The following ENTPD6 variants were observed in gnomAD, a reference collection of about 807,000 sequenced individuals.
The protein encoded by ENTPD6 is CD39 antigen-like 2.
A neutral mutation model predicts 61.5 loss-of-function variants in ENTPD6; 46 were observed. The observed-to-expected ratio is 0.75, with a 90% CI of 0.59 to 0.96. The LOEUF (loss-of-function observed/expected upper bound fraction) is 0.96. ENTPD6 is among the 40% of genes least tolerant of loss of function. The pLI is 0.00. For synonymous variants in ENTPD6, 252 were observed against 255.5 expected (o/e 0.99, Z 0.13); for missense variants, 612 against 629.0 (o/e 0.97, Z 0.29).
intron 7 of ENTPD6, among the ~76,000 whole-genome samples, 192 bp downstream of exon 7, chr20:25,215,903 A>T (rs979151935): frequency 6.6e-6 from 1 of 151,768 alleles, no homozygotes; most frequent in African/African-American, 2.4e-5. Context: ...TGTAGATGCT[A>T]GGAGTGGGGT....
At chr20:25,209,642 G>C (rs368851561) in intron 3 of ENTPD6, among the ~76,000 whole-genome samples, 1 of 151,800 alleles carries the variant, frequency 6.6e-6, no homozygotes, top group Non-Finnish European at 1.5e-5. Flanking sequence ...AAGAAGTAAT[G>C]TTCTGGCCAA....
At chr20:25,211,447 C>T (rs139983351) in intron 4 of ENTPD6, among the ~76,000 whole-genome samples, 3 of 152,204 alleles carry the variant, frequency 2.0e-5, no homozygotes, top group South Asian at 2.1e-4. Flanking sequence ...CAGGCTGCCT[C>T]GGAGGCCCAC....
chr20:25,217,225 C>A (rs557978709), intron 8 of ENTPD6, among the ~76,000 whole-genome samples: 2 of 152,208 alleles, frequency 1.3e-5, no homozygotes, highest in South Asian at 4.1e-4. Context: ...GGTAGTTTTC[C>A]ATGGAAGGGT....
chr20:25,223,081 C>A (rs896770310), intron 12 of ENTPD6, 103 bp downstream of exon 12: 2 of 1,360,476 alleles, frequency 1.5e-6, no homozygotes, highest in Non-Finnish European at 2.0e-6. Flanking sequence ...AGGCAAGCAA[C>A]CCTGTTGTCA....
chr20:25,211,696 C>T (rs2091970952), intron 4 of ENTPD6, among the ~76,000 whole-genome samples: 1 of 152,228 alleles, frequency 6.6e-6, no homozygotes, highest in Non-Finnish European at 1.5e-5. Context: ...AACCAGTCCT[C>T]TTCTGAAGGA....
At chr20:25,217,437 A>C in intron 8 of ENTPD6, 65 bp from the exon 9 acceptor site, 1 of 1,450,364 alleles carries the variant, frequency 6.9e-7, no homozygotes, top group Non-Finnish European at 9.7e-7. Context: ...AAATGAATTC[A>C]GTGGGTGGAG....
At chr20:25,205,746 C>A (rs373644517) in intron 1 of ENTPD6, among the ~76,000 whole-genome samples, 29 of 152,324 alleles carry the variant, frequency 1.9e-4, no homozygotes, top group African/African-American at 6.5e-4. Flanking sequence ...ACTGGTGAGG[C>A]CTCTCCCCTC....
chr20:25,208,361 G>A (rs561891810), intron 3 of ENTPD6, among the ~76,000 whole-genome samples: 6 of 152,326 alleles, frequency 3.9e-5, no homozygotes, highest in Admixed American at 2.0e-4. Context: ...CAGGAGAATC[G>A]CTTGAACCTG....
intron 1 of ENTPD6, among the ~76,000 whole-genome samples, chr20:25,200,461 C>T (rs2090944643): frequency 6.6e-6 from 1 of 151,314 alleles, no homozygotes; most frequent in African/African-American, 2.4e-5. Context: ...GCTTTTATTG[C>T]CTGTGCTTTT....
At chr20:25,220,165 CG>C (rs145005351) in intron 10 of ENTPD6, among the ~76,000 whole-genome samples, 36 of 152,236 alleles carry the variant, frequency 2.4e-4, no homozygotes, top group African/African-American at 7.9e-4. Flanking sequence ...GTTTTGTTAC[CG>C]GTTATTGCGT....
Position 25,207,251 on chromosome 20 carries a change from C to T in ENTPD6, c.230C>T (p.Ala77Val). ...ATQAFFSITR[A>V]APGARWGQQA... ...CAGGCCTTCTTCAGCATCACCAGGG[C>T]AGCCCCGGGGGCCCGGTGGGGTCAG... Residue 77 changes from alanine to valine, a missense_variant, in exon 3 of 15, where the codon GCA (alanine) becomes GTA (valine). Physicochemically the swap from Ala to Val is moderately conservative, Grantham distance 64 (BLOSUM62 0). Transcript: ENST00000376652. The T allele has an allele frequency of 6.2e-7, 1 of 1,614,054 alleles. No individual in the cohort carries two copies.
At chr20:25,198,273 C>T (rs1381400439) in intron 1 of ENTPD6, among the ~76,000 whole-genome samples, 1 of 152,014 alleles carries the variant, frequency 6.6e-6, no homozygotes, top group Non-Finnish European at 1.5e-5. Flanking sequence ...GTCAGGAGTT[C>T]GAGACCAGCC....
At chr20:25,212,960 C>T (rs1202530033) in intron 4 of ENTPD6, among the ~76,000 whole-genome samples, 1 of 152,216 alleles carries the variant, frequency 6.6e-6, no homozygotes, top group East Asian at 1.9e-4. Context: ...CTGCCTTGGC[C>T]TCCCAAAGTG....
chr20:25,225,527 C>T lies in ENTPD6; in HGVS notation c.1385C>T (p.Thr462Ile). ...KLTRKIDNVETSWALGAIFHY... is the reference protein window; with the variant it reads ...KLTRKIDNVEISWALGAIFHY... ...ACTCGGAAAATTGACAATGTTGAGACCAGCTGGGCTCTGGGGGCCATTTTT... is the reference window on the plus strand; with the variant it reads ...ACTCGGAAAATTGACAATGTTGAGATCAGCTGGGCTCTGGGGGCCATTTTT... Residue 462 changes from threonine (T) to isoleucine (I), a missense_variant, in exon 15 of 15, where the codon ACC (threonine) becomes ATC (isoleucine). Coordinates refer to ENST00000376652, the MANE Select transcript of ENTPD6 (RefSeq NM_001247.5). 1 of 1,614,070 alleles carries T rather than the reference C, an allele frequency of 6.2e-7. No individual in the cohort carries two copies. The highest frequency in any genetic ancestry group is 1.3e-5 in the African/African-American group (1 of 75,046).
chr20:25,222,627 C>A, intron 11 of ENTPD6: 1 of 542,386 alleles, frequency 1.8e-6, no homozygotes, highest in Admixed American at 3.4e-5. Flanking sequence ...TCACTCCCTG[C>A]GCCGGGACCA....
At position 25,195,905 on chromosome 20, in the gene ENTPD6, G is replaced by A. The variant is rs974383206; in HGVS notation, c.-16+38G>A. The A allele has an allele frequency of 1.5e-5, 18 of 1,228,334 alleles. No homozygotes were observed. In the African/African-American group the frequency reaches 1.9e-4, roughly 13 times the overall value. The allele number at this position is 1,228,334 out of a possible 1,614,324, so 76.1% of individuals were successfully genotyped here. On this transcript the variant is annotated intron_variant, in intron 1 of 14. Transcript: ENST00000376652. ...CCGGGGCGCTGGCGGGGGCGGCCGG[G>A]GATCACCGACTGTAGGCGGGCCTCC...
In ENTPD6 at chr20:25,195,725, C is replaced by T. The variant is rs1177635288; in HGVS notation, c.-158C>T. The stretch of plus-strand genomic sequence containing the variant: ...CACGTGCATGGGGCGGAGCCCAGGC[C>T]CTAGGGAATCGTGGGGTCGTATCCC... On this transcript the variant is annotated 5_prime_UTR_variant, in exon 1 of 15. Coordinates refer to ENST00000376652, the MANE Select transcript of ENTPD6 (RefSeq NM_001247.5). 4.7e-6 allele frequency: 3 copies of T among 635,140 alleles called. No individual in the cohort carries two copies. Among genetic ancestry groups the T allele is most frequent in the African/African-American group, 1.9e-5 (1 of 52,816 alleles). 39.3% of individuals were successfully genotyped at this position (635,140 alleles called of 1,614,324 possible).
intron 1 of ENTPD6, among the ~76,000 whole-genome samples, chr20:25,204,488 ATC>A (rs961536233): frequency 1.0e-4 from 14 of 138,870 alleles, no homozygotes; most frequent in Non-Finnish European, 1.9e-4. Context: ...ATATATATAT[ATC>A]TTACTTTCTC....
intron 2 of ENTPD6, 84 bp from the exon 3 acceptor site, chr20:25,206,992 T>A: frequency 7.9e-7 from 1 of 1,267,958 alleles, no homozygotes; most frequent in African/African-American, 1.5e-5. Context: ...TTGAACATTT[T>A]GTCCCTGGGC....
Sources: gnomAD v4.1 joint callset for allele counts (sites outside exome capture counted in the v4.1 genomes callset) on GRCh38, gnomAD v4.1.1 for gene constraint, MANE v1.5 for transcripts, NCBI Gene and HGNC (gene_info 2026-07-23, HGNC 2026-07-21) for gene names.